Variants in RAB11FIP4 observed in about 807,000 individuals in gnomAD.
The protein encoded by RAB11FIP4 is RAB11 family interacting protein 4.
In RAB11FIP4, 23 loss-of-function variants were observed where a neutral mutation model predicts 74.3. That is an observed-to-expected ratio of 0.31 (90% CI 0.22 to 0.44). The LOEUF is 0.44. RAB11FIP4 is among the 20% of genes least tolerant of loss of function. The pLI is 1.00. For missense variants in RAB11FIP4, 630 were observed against 863.9 expected (o/e 0.73, Z 3.39); for synonymous variants, 360 against 359.9 (o/e 1.00, Z 0.00).
Position 31,512,800 on chromosome 17 carries a change from G to GTCAC in RAB11FIP4, c.337-4850_337-4849insCACT, listed in dbSNP as rs56032910. On this transcript the variant is annotated intron_variant, in intron 3 of 14. Coordinates refer to ENST00000621161, the MANE Select transcript of RAB11FIP4 (RefSeq NM_032932.6). This position sits in a 1 kb window ranked among gnomAD's most constrained non-coding sequence, Gnocchi z 4.1. ...CAGGCCAAGCTCCAGGCCTGGACAT[G>GTCAC]TGTAGGGTCCCTGGGTGGTGACTGG... 0.42 allele frequency among the ~76,000 whole-genome samples: 64,484 copies of GTCAC among 151,902 alleles called. 14,982 individuals carry two copies. The highest frequency in any genetic ancestry group is 0.61 in the African/African-American group (25,283 of 41,362).
rs1179518396 is a variant in RAB11FIP4 at position 31,532,935 on chromosome 17, T to A, written c.*1203T>A. The A allele has an allele frequency of 1.3e-5, 2 of 152,232 alleles. No homozygotes were observed. Among genetic ancestry groups the A allele is most frequent in the Non-Finnish European group, 2.9e-5 (2 of 68,042 alleles). The allele number at this position is 152,232 out of a possible 1,614,324, so 9.4% of individuals were successfully genotyped here. On this transcript the variant is annotated 3_prime_UTR_variant, in exon 15 of 15. Transcript: ENST00000621161. Reference sequence around the variant, plus strand: ...ATGGATTTTTAATGGATCTTTGTTCTAGGCAGCTGGGAATAGACATGGTAC... The same window carrying A: ...ATGGATTTTTAATGGATCTTTGTTCAAGGCAGCTGGGAATAGACATGGTAC...
At chr17:31,517,153 C>G (rs1293469647) in intron 3 of RAB11FIP4, among the ~76,000 whole-genome samples, 1 of 123,070 alleles carries the variant, frequency 8.1e-6, no homozygotes, top group Non-Finnish European at 1.7e-5. Flanking sequence ...AGTTTTTCAT[C>G]TGCCAGGCAG....
chr17:31,524,893 C>T (rs2072735630), intron 9 of RAB11FIP4, 197 bp from the exon 10 acceptor site: 2 of 675,926 alleles, frequency 3.0e-6, no homozygotes, highest in Admixed American at 5.4e-5. Flanking sequence ...AGGCCTGCCC[C>T]TCCATGGCAT....
rs1347019087 is a variant in RAB11FIP4, at chr17:31,521,323, A to G, written c.721A>G (p.Asn241Asp). Residue 241 changes from asparagine (N) to aspartate (D), a missense_variant, in exon 5 of 15, where the codon AAC (asparagine) becomes GAC (aspartate). By Grantham distance (23) the Asn-to-Asp change is conservative. Coordinates refer to ENST00000621161, the MANE Select transcript of RAB11FIP4 (RefSeq NM_032932.6). ...SPCPDDETRT[N>D]VYSDLGSSVS... ...TTGCCCCGATGATGAGACCAGGACC[A>G]ACGTCTACTCGGACCTGGGGTCTTC... 1.2e-6 allele frequency: 2 copies of G among 1,613,298 alleles called. No individual in the cohort carries two copies. The highest frequency in any genetic ancestry group is 2.2e-5 in the East Asian group (1 of 44,862).
intron 7 of RAB11FIP4, chr17:31,522,670 A>G: frequency 1.9e-6 from 1 of 529,264 alleles, no homozygotes; most frequent in Non-Finnish European, 3.3e-6. Context: ...CCTGAGAGAG[A>G]CAGAGCACCC....
chr17:31,402,207 A>ATCCG (rs1456434204), intron 1 of RAB11FIP4, among the ~76,000 whole-genome samples: 1 of 151,296 alleles, frequency 6.6e-6, no homozygotes, highest in Non-Finnish European at 1.5e-5. Context: ...CCATCCATCC[A>ATCCG]TCCATCCATC....
intron 1 of RAB11FIP4, among the ~76,000 whole-genome samples, chr17:31,422,997 G>A (rs1462615206): frequency 6.9e-6 from 1 of 144,304 alleles, no homozygotes; most frequent in Non-Finnish European, 1.5e-5. Context: ...TCGGCTCACT[G>A]CAAGCTCTGC....
chr17:31,503,110 G>A (rs1209979641), intron 3 of RAB11FIP4, among the ~76,000 whole-genome samples: 1 of 152,108 alleles, frequency 6.6e-6, no homozygotes, highest in African/African-American at 2.4e-5. Flanking sequence ...TCGGCTCACT[G>A]CAACCTCCAC....
chr17:31,418,643 T>G (rs9674777), intron 1 of RAB11FIP4, among the ~76,000 whole-genome samples: 15,565 of 151,804 alleles, frequency 0.1, 1,327 homozygotes, highest in East Asian at 0.31. Flanking sequence ...TTGTTCATTT[T>G]TTGCAGAGAC....
intron 3 of RAB11FIP4, among the ~76,000 whole-genome samples, chr17:31,504,584 A>T (rs2072282699): frequency 6.6e-6 from 1 of 152,136 alleles, no homozygotes; most frequent in Non-Finnish European, 1.5e-5. Flanking sequence ...TTTCAAATGA[A>T]CCAAGTTTCT....
At position 31,413,601 on chromosome 17, in the gene RAB11FIP4, C is replaced by G. The variant is rs572455667; in HGVS notation, c.160-18212C>G. Among the ~76,000 whole-genome samples the G allele has an allele frequency of 3.9e-5, 6 of 152,084 alleles. No individual in the cohort carries two copies. The South Asian group carries it at 1.2e-3, about 32-fold the overall frequency. On this transcript the variant is annotated intron_variant, in intron 1 of 14. Transcript: ENST00000621161. ...CTCCCTTTTGCTCACACCAACGCCC[C>G]GCTTCTTGAATTCCCATTCCCCACA... is the stretch of plus-strand genomic sequence containing the variant.
chr17:31,531,133 C>T (rs1466252721), intron 14 of RAB11FIP4: 2 of 161,682 alleles, frequency 1.2e-5, no homozygotes, highest in Non-Finnish European at 2.7e-5. Context: ...TCAAGGAGCT[C>T]CCAGGTGAGC....
chr17:31,395,571 AG>A (rs1357233602), intron 1 of RAB11FIP4, among the ~76,000 whole-genome samples: 1 of 152,206 alleles, frequency 6.6e-6, no homozygotes, highest in African/African-American at 2.4e-5. Context: ...ATCCCAGTCT[AG>A]TCCTGAGAAA....
chr17:31,511,652 C>T (rs2072454205), intron 3 of RAB11FIP4, among the ~76,000 whole-genome samples: 1 of 152,228 alleles, frequency 6.6e-6, no homozygotes, highest in Admixed American at 6.5e-5. Context: ...CAGGGAAACG[C>T]AGGGTGCTGG....
At chr17:31,525,028 A>G (rs1011732952) in intron 9 of RAB11FIP4, 62 bp from the exon 10 acceptor site, 249 of 1,547,340 alleles carry the variant, frequency 1.6e-4, no homozygotes, top group Non-Finnish European at 2.1e-4. Context: ...CCCCCGTGCC[A>G]CAGCCTGGGT....
chr17:31,448,242 C>A (rs1375385149), intron 3 of RAB11FIP4, among the ~76,000 whole-genome samples: 1 of 151,580 alleles, frequency 6.6e-6, no homozygotes, highest in East Asian at 1.9e-4. Context: ...ATTTTGTTTT[C>A]CTTTTCTTTT....
chr17:31,463,898 C>T, intron 3 of RAB11FIP4, among the ~76,000 whole-genome samples: 1 of 137,206 alleles, frequency 7.3e-6, no homozygotes, highest in South Asian at 2.5e-4. Context: ...ATTGCAACCT[C>T]AGCCTCCTGG....
intron 3 of RAB11FIP4, among the ~76,000 whole-genome samples, chr17:31,435,230 T>G (rs774959753): frequency 2.7e-4 from 41 of 152,124 alleles, no homozygotes; most frequent in Non-Finnish European, 4.3e-4. Flanking sequence ...CCAGCCCCTC[T>G]CCTCTGCCTG....
intron 3 of RAB11FIP4, among the ~76,000 whole-genome samples, chr17:31,452,012 C>A (rs945420174): frequency 1.4e-4 from 21 of 152,092 alleles, no homozygotes; most frequent in African/African-American, 4.8e-4. Flanking sequence ...TTACCTCAAA[C>A]CTTTGTCTTT....
Sources: allele counts gnomAD v4.1 joint callset (sites outside exome capture counted in the v4.1 genomes callset), GRCh38; gene constraint gnomAD v4.1.1; non-coding constraint Gnocchi (gnomAD v3.1); transcripts MANE v1.5; gene names NCBI Gene and HGNC (gene_info 2026-07-23, HGNC 2026-07-21).